LNX1: variants seen among roughly 807,000 people sequenced by gnomAD.
The protein encoded by LNX1 is E3 ubiquitin-protein ligase LNX.
Under a neutral mutation model 68.4 loss-of-function variants are expected in LNX1, and 54 were observed. That is an observed-to-expected ratio of 0.79 (90% CI 0.63 to 0.99). The LOEUF (loss-of-function observed/expected upper bound fraction) is 0.99, where lower values mean the gene tolerates loss of function less well. Ranked by LOEUF, LNX1 falls within the 50% of genes least tolerant of loss-of-function variation. The pLI, the probability that LNX1 is intolerant of heterozygous loss-of-function variation, is 0.00. For missense variants in LNX1, 906 were observed against 926.4 expected (o/e 0.98, Z 0.29); for synonymous variants, 336 against 350.0 (o/e 0.96, Z 0.45).
intron 2 of LNX1, among the ~76,000 whole-genome samples, chr4:53,518,448 G>C (rs1427236792): frequency 1.3e-5 from 2 of 152,178 alleles, no homozygotes; most frequent in African/African-American, 4.8e-5. Context: ...GTTAGTGTCT[G>C]TAAGAATCTG....
intron 1 of LNX1, among the ~76,000 whole-genome samples, chr4:53,650,564 T>C (rs1431760729): frequency 6.6e-6 from 1 of 152,188 alleles, no homozygotes; most frequent in Non-Finnish European, 1.5e-5. Context: ...TGGTTTTCTA[T>C]ACATATAGAT....
chr4:53,545,821 T>A (rs1729075989), intron 2 of LNX1, among the ~76,000 whole-genome samples: 1 of 135,722 alleles, frequency 7.4e-6, no homozygotes, highest in South Asian at 2.4e-4. Context: ...TTTTTTTTTT[T>A]TTTTGAGACA....
rs544475922 is a variant in LNX1 at position 53,576,379 on chromosome 4, C to A, written c.-86-2291G>T. ...GGAGAAGAGGTGTGAGGGCAGCCTG[C>A]AGGACTGACCCCTCACATGACCAGT... On this transcript the variant is annotated intron_variant, in intron 1 of 10. Coordinates refer to ENST00000263925, the MANE Select transcript of LNX1 (RefSeq NM_001126328.3). 2.2e-5 allele frequency: 35 copies of A among 1,577,146 alleles called. No individual in the cohort carries two copies. The South Asian group carries it at 3.6e-4, about 16-fold the overall frequency.
chr4:53,476,814 G>A lies in LNX1; in HGVS notation c.1831C>T (p.His611Tyr), dbSNP rs777648524. Residue 611 changes from histidine (H) to tyrosine (Y), a missense_variant, in exon 9 of 11, where the codon CAC becomes TAC. His to Tyr is a moderately conservative substitution (Grantham distance 83). Coordinates refer to ENST00000263925, the MANE Select transcript of LNX1 (RefSeq NM_001126328.3). ...CSSPAALDSN[H>Y]NMAPPSDWSP... ...CAGTCACTGGGTGGGGCCATGTTGT[G>A]GTTGGAGTCCAGGGCTGCTGGGCTG... is the stretch of plus-strand genomic sequence containing the variant. 6.2e-7 allele frequency: 1 copy of A among 1,614,158 alleles called. No individual in the cohort carries two copies. The highest frequency in any genetic ancestry group is 8.5e-7 in the Non-Finnish European group (1 of 1,180,024).
At chr4:53,600,325 G>T (rs1381107151) in intron 2 of LNX1, among the ~76,000 whole-genome samples, 1 of 152,136 alleles carries the variant, frequency 6.6e-6, no homozygotes, top group East Asian at 1.9e-4. Flanking sequence ...AGTCCTAGTA[G>T]GGAATGGAGT....
At chr4:53,644,651 A>G (rs1244342139) in intron 1 of LNX1, among the ~76,000 whole-genome samples, 1 of 152,132 alleles carries the variant, frequency 6.6e-6, no homozygotes, top group Non-Finnish European at 1.5e-5. Context: ...TCCAGGAGGG[A>G]GCGGGATTCC....
upstream of LNX1, among the ~76,000 whole-genome samples, chr4:53,618,915 T>C (rs1733773051): frequency 6.6e-6 from 1 of 152,158 alleles, no homozygotes; most frequent in South Asian, 2.1e-4. Context: ...TTTATATGTA[T>C]ACATATTTTT....
intron 4 of LNX1, among the ~76,000 whole-genome samples, chr4:53,506,180 A>G (rs1725855851): frequency 6.6e-6 from 1 of 152,152 alleles, no homozygotes; most frequent in Admixed American, 6.5e-5. Flanking sequence ...TGGTTCTGCC[A>G]TTTTTTAGCT....
At chr4:53,504,204 C>G (rs140546259) in intron 4 of LNX1, among the ~76,000 whole-genome samples, 304 of 152,356 alleles carry the variant, frequency 2.0e-3, no homozygotes, top group Non-Finnish European at 3.2e-3. Flanking sequence ...TTCTGGAAAA[C>G]CTGCTGCAGC....
chr4:53,559,550 A>G (rs1309774081), intron 2 of LNX1, among the ~76,000 whole-genome samples: 1 of 152,256 alleles, frequency 6.6e-6, no homozygotes, highest in East Asian at 1.9e-4. Context: ...AAGAAAGACA[A>G]TAGTAATAGT....
chr4:53,566,611 T>A (rs1730711985), intron 2 of LNX1, among the ~76,000 whole-genome samples: 1 of 150,772 alleles, frequency 6.6e-6, no homozygotes, highest in South Asian at 2.1e-4. Context: ...AATAACCAGC[T>A]AACATCATAA....
intron 2 of LNX1, chr4:53,522,855 G>C (rs1727331172): frequency 6.6e-6 from 1 of 152,052 alleles, no homozygotes; most frequent in African/African-American, 2.4e-5. Context: ...TCCACCCCCA[G>C]AGAAAACTGC....
At chr4:53,625,546 C>T (rs967270846) in intron 1 of LNX1, among the ~76,000 whole-genome samples, 9 of 152,080 alleles carry the variant, frequency 5.9e-5, no homozygotes, top group African/African-American at 2.2e-4. Context: ...CCTGTAATCC[C>T]AGCACTTTGG....
chr4:53,570,419 A>G (rs1460210666), intron 2 of LNX1, among the ~76,000 whole-genome samples: 1 of 145,978 alleles, frequency 6.9e-6, no homozygotes, highest in Non-Finnish European at 1.5e-5. Flanking sequence ...CAAGAACAAA[A>G]AACCAAATAC....
chr4:53,647,604 A>G (rs1734933955), intron 1 of LNX1, among the ~76,000 whole-genome samples: 1 of 152,242 alleles, frequency 6.6e-6, no homozygotes, highest in Non-Finnish European at 1.5e-5. Context: ...TTTTTTACTT[A>G]TGGTAAAATA....
At position 53,551,108 on chromosome 4, in the gene LNX1, G is replaced by T. The variant is rs189683977; in HGVS notation, c.380+22515C>A. Among the ~76,000 whole-genome samples, 378 of 152,054 alleles carry T rather than the reference G, an allele frequency of 2.5e-3. 1 individual carries two copies. The highest frequency in any genetic ancestry group is 8.2e-3 in the African/African-American group (340 of 41,482). The stretch of plus-strand genomic sequence containing the variant: ...TGGTGGTTGGAATCCTTGGTTCTAA[G>T]AGCTTGGTGTGTTCTGTGGCTCTGA... On this transcript the variant is annotated intron_variant, in intron 2 of 10. Coordinates refer to ENST00000263925, the MANE Select transcript of LNX1 (RefSeq NM_001126328.3).
chr4:53,593,412 T>C (rs1048513113), upstream of LNX1, among the ~76,000 whole-genome samples: 9 of 152,192 alleles, frequency 5.9e-5, no homozygotes, highest in African/African-American at 2.2e-4. Context: ...CGCATAAAGC[T>C]TCACCGAACA....
intron 9 of LNX1, among the ~76,000 whole-genome samples, chr4:53,463,655 A>G (rs1455116227): frequency 6.6e-6 from 1 of 152,096 alleles, no homozygotes; most frequent in Admixed American, 6.6e-5. Flanking sequence ...TTGGCATAGT[A>G]TAAGGAATAG....
At chr4:53,600,784 G>T (rs1732968142) in intron 2 of LNX1, among the ~76,000 whole-genome samples, 1 of 151,128 alleles carries the variant, frequency 6.6e-6, no homozygotes, top group Admixed American at 6.6e-5. Context: ...AGGCTGGAGT[G>T]CAGTGGTGCA....
Sources: gnomAD v4.1 joint callset for allele counts (sites outside exome capture counted in the v4.1 genomes callset) on GRCh38, gnomAD v4.1.1 for gene constraint, MANE v1.5 for transcripts, NCBI Gene and HGNC (gene_info 2026-07-23, HGNC 2026-07-21) for gene names.